The following CEP290 variants were observed in gnomAD, a reference collection of about 807,000 sequenced individuals.
CEP290 encodes centrosomal protein of 290 kDa.
In CEP290, 317 loss-of-function variants were observed where a neutral mutation model predicts 344.9. The observed-to-expected ratio is 0.92, with a 90% CI of 0.84 to 1.01. The LOEUF is 1.01. Ranked by LOEUF, CEP290 falls within the 50% of genes least tolerant of loss-of-function variation. CEP290 has a pLI of 0.00. For missense variants in CEP290, 2,754 were observed against 2,761.4 expected (o/e 1.00, Z 0.06); for synonymous variants, 932 against 895.8 (o/e 1.04, Z -0.72).
intron 52 of CEP290, among the ~76,000 whole-genome samples, chr12:88,053,049 T>TA (rs113075344): frequency 1.3e-5 from 2 of 152,132 alleles, no homozygotes; most frequent in African/African-American, 4.8e-5. Context: ...TGGGATTACA[T>TA]ACACACTTTA....
chr12:88,134,088 T>C (rs1280919389), intron 6 of CEP290, among the ~76,000 whole-genome samples: 1 of 152,170 alleles, frequency 6.6e-6, no homozygotes, highest in Non-Finnish European at 1.5e-5. Flanking sequence ...GGGTCTCTTG[T>C]GAATTCCATA....
chr12:88,114,346 T>G, intron 20 of CEP290, 74 bp downstream of exon 20: 3 of 1,148,732 alleles, frequency 2.6e-6, no homozygotes, highest in Non-Finnish European at 2.4e-6. Flanking sequence ...TCAGAAACTA[T>G]GGAGATCTGT....
intron 40 of CEP290, 43 bp downstream of exon 40, chr12:88,077,654 T>C (rs1168883068): frequency 8.7e-7 from 1 of 1,143,272 alleles, no homozygotes; most frequent in Non-Finnish European, 1.3e-6. Context: ...CTACTACCTC[T>C]ATATTGTAAA....
chr12:88,059,861 A>G, intron 48 of CEP290, 37 bp downstream of exon 48: 1 of 1,522,294 alleles, frequency 6.6e-7, no homozygotes, highest in Non-Finnish European at 8.8e-7. Context: ...TAAGTAAAAT[A>G]AAAATCAAAA....
At chr12:88,116,068 TAA>T (rs2039018590) in intron 18 of CEP290, 1 of 985,238 alleles carries the variant, frequency 1.0e-6, no homozygotes, top group South Asian at 4.7e-5. Context: ...GATTTTTGCC[TAA>T]GTGATAACTT....
At chr12:88,072,119 G>A (rs2035423805) in intron 41 of CEP290, among the ~76,000 whole-genome samples, 193 bp from the exon 42 acceptor site, 1 of 152,004 alleles carries the variant, frequency 6.6e-6, no homozygotes, top group African/African-American at 2.4e-5. Context: ...TTAGAATTTG[G>A]ATTTTTTTAA....
rs1194670398 is a variant in CEP290, at chr12:88,083,400, T to C, written c.4813-170A>G. On this transcript the variant is annotated intron_variant, in intron 36 of 53. Transcript: ENST00000552810. ...AGACAGGAAATGCAGACTTTATTAT[T>C]TGTATTTACAATAGCTAGCAAAATG... Among the ~76,000 whole-genome samples the C allele has an allele frequency of 2.0e-5, 3 of 152,332 alleles. No individual in the cohort carries two copies. The East Asian group carries it at 5.8e-4, about 29-fold the overall frequency.
intron 44 of CEP290, among the ~76,000 whole-genome samples, chr12:88,065,603 C>T (rs2034859460): frequency 6.6e-6 from 1 of 152,182 alleles, no homozygotes; most frequent in Non-Finnish European, 1.5e-5. Context: ...GCTCTTCTAT[C>T]TCCCAAACTT....
In CEP290 at chr12:88,093,923, A is replaced by T. The variant is rs779569679; in HGVS notation, c.3156T>A (p.Ile1052=). ...TAGTTATTTTTTTTGAAATGGAAAC[A>T]ATGTCACTGTTGGTTATTGATTTCT... ...KAKKSITNSD[I]VSISKKITML... is the part of the protein sequence containing the mutation. The change falls in exon 28 of 54, where the codon ATT becomes ATA. Residue 1052 remains isoleucine, a synonymous_variant. Transcript: ENST00000552810. 4 of 1,612,566 alleles carry T rather than the reference A, an allele frequency of 2.5e-6. No individual in the cohort carries two copies. The highest frequency in any genetic ancestry group is 2.7e-5 in the African/African-American group (2 of 74,880).
chr12:88,131,030 T>G lies in CEP290; in HGVS notation c.495+135A>C, dbSNP rs867780969. ...TTTCTATTTCCCTGAGACAAAGTCATACCATAAAATCAGTCTGAAAACATC... is the reference window on the plus strand; with the variant it reads ...TTTCTATTTCCCTGAGACAAAGTCAGACCATAAAATCAGTCTGAAAACATC... On this transcript the variant is annotated intron_variant, in intron 7 of 53. Coordinates refer to ENST00000552810, the MANE Select transcript of CEP290 (RefSeq NM_025114.4). 6.2e-6 allele frequency: 4 copies of G among 641,280 alleles called. No individual in the cohort carries two copies. The Middle Eastern group carries it at 1.2e-3, about 190-fold the overall frequency. 39.7% of individuals were successfully genotyped at this position (641,280 alleles called of 1,614,324 possible).
intron 26 of CEP290, among the ~76,000 whole-genome samples, chr12:88,097,283 G>C (rs1480871349): frequency 1.3e-5 from 2 of 151,970 alleles, no homozygotes; most frequent in African/African-American, 4.8e-5. Flanking sequence ...GGAGGGATTT[G>C]GTGGGAGGTA....
chr12:88,081,375 T>C (rs2036188010), intron 37 of CEP290, among the ~76,000 whole-genome samples: 1 of 152,190 alleles, frequency 6.6e-6, no homozygotes, highest in Admixed American at 6.5e-5. Context: ...TCTATAACTA[T>C]ATATATGGAA....
At chr12:88,103,095 C>A in intron 25 of CEP290, 84 bp from the exon 26 acceptor site, 2 of 767,682 alleles carry the variant, frequency 2.6e-6, no homozygotes, top group South Asian at 3.8e-5. Flanking sequence ...GATAATACAA[C>A]TTAAAGTAAA....
chr12:88,107,992 T>C, intron 23 of CEP290, among the ~76,000 whole-genome samples: 1 of 151,902 alleles, frequency 6.6e-6, no homozygotes, highest in East Asian at 1.9e-4. Context: ...TAGAACACCA[T>C]GTTGTATAGC....
intron 38 of CEP290, among the ~76,000 whole-genome samples, chr12:88,079,920 T>G (rs2036067137): frequency 1.3e-5 from 2 of 152,144 alleles, no homozygotes; most frequent in African/African-American, 2.4e-5. Context: ...ATTTTTGTAA[T>G]GTACATTAAG....
At chr12:88,059,327 A>G (rs931357675) in intron 48 of CEP290, among the ~76,000 whole-genome samples, 1 of 152,208 alleles carries the variant, frequency 6.6e-6, no homozygotes, top group African/African-American at 2.4e-5. Context: ...TTACACATGT[A>G]AAAGATTCTT....
At chr12:88,059,084 T>A (rs901304878) in intron 48 of CEP290, 64 bp from the exon 49 acceptor site, 40 of 1,293,204 alleles carry the variant, frequency 3.1e-5, no homozygotes, top group Non-Finnish European at 4.2e-5. Context: ...AGATTCAGTG[T>A]ATTCAAAATT....
intron 52 of CEP290, among the ~76,000 whole-genome samples, chr12:88,051,351 A>T (rs2033509165): frequency 6.6e-6 from 1 of 151,996 alleles, no homozygotes; most frequent in Non-Finnish European, 1.5e-5. Context: ...GGCAAGTGCC[A>T]CCATGCCTGG....
Position 88,114,402 on chromosome 12 carries a change from A to G in CEP290, c.2052+18T>C. 1 of 1,531,986 alleles carries G rather than the reference A, an allele frequency of 6.5e-7. No individual in the cohort carries two copies. The highest frequency in any genetic ancestry group is 8.8e-7 in the Non-Finnish European group (1 of 1,138,072). 94.9% of individuals were successfully genotyped at this position (1,531,986 alleles called of 1,614,324 possible). A position where few individuals can be genotyped will look rare whatever the true frequency, so the allele number is the denominator to read the frequency against. On this transcript the variant is annotated intron_variant, in intron 20 of 53. Transcript: ENST00000552810. ...AAAGTGATAGGGGAAAAACATTAACATGAAAAAAATAACTTACATTAACTA... is the reference window on the plus strand; with the variant it reads ...AAAGTGATAGGGGAAAAACATTAACGTGAAAAAAATAACTTACATTAACTA...
Sources: allele counts gnomAD v4.1 joint callset (sites outside exome capture counted in the v4.1 genomes callset), GRCh38; gene constraint gnomAD v4.1.1; transcripts MANE v1.5; gene names NCBI Gene and HGNC (gene_info 2026-07-23, HGNC 2026-07-21).